Variants in TNKS observed in about 807,000 individuals in gnomAD.
The protein encoded by TNKS is poly [ADP-ribose] polymerase tankyrase-1.
TNKS carries 72 observed loss-of-function variants against 135.8 expected under a neutral mutation model. The observed-to-expected ratio is 0.53, with a 90% CI of 0.44 to 0.64. TNKS has a LOEUF of 0.64. Among genes scored for constraint, TNKS ranks in the 30% least tolerant of loss-of-function variants. The pLI, the probability that TNKS is intolerant of heterozygous loss-of-function variation, is 0.00. For synonymous variants in TNKS, 849 were observed against 649.3 expected (o/e 1.31, Z -4.68); for missense variants, 1,769 against 1,674.0 (o/e 1.06, Z -0.99).
chr8:9,692,658 G>A (rs930158409), intron 5 of TNKS, among the ~76,000 whole-genome samples: 1 of 152,176 alleles, frequency 6.6e-6, no homozygotes, highest in Non-Finnish European at 1.5e-5. Flanking sequence ...CATGTCATCT[G>A]CAGAAGAGAC....
intron 13 of TNKS, among the ~76,000 whole-genome samples, chr8:9,730,536 C>T (rs1052133928): frequency 1.3e-5 from 2 of 152,044 alleles, no homozygotes; most frequent in African/African-American, 4.8e-5. Flanking sequence ...AGCAGATACG[C>T]TATGACAAAC....
intron 2 of TNKS, among the ~76,000 whole-genome samples, chr8:9,596,733 T>G (rs1433644563): frequency 6.6e-6 from 1 of 152,226 alleles, no homozygotes; most frequent in Admixed American, 6.5e-5. Flanking sequence ...TTTCTAAATT[T>G]ACTGTGGTAC....
intron 1 of TNKS, among the ~76,000 whole-genome samples, chr8:9,576,241 T>C (rs964358899): frequency 1.3e-5 from 2 of 152,166 alleles, no homozygotes; most frequent in African/African-American, 4.8e-5. Context: ...AGTCTTTCTG[T>C]TGGCCAGTGT....
intron 2 of TNKS, among the ~76,000 whole-genome samples, chr8:9,600,253 T>C (rs1399568871): frequency 6.6e-6 from 1 of 152,178 alleles, no homozygotes; most frequent in East Asian, 1.9e-4. Flanking sequence ...AACTATGGCA[T>C]ATTGCCATGG....
In TNKS at chr8:9,665,951, C is replaced by G. The variant is rs138054049; in HGVS notation, c.995-14000C>G. On this transcript the variant is annotated intron_variant, in intron 3 of 26. Transcript: ENST00000310430. Reference sequence around the variant, plus strand: ...TCCTACCTCTCTTTTTACTACTCTTCTCTCTTCTTCCTCCCCTCCTCTTTT... The same window carrying G: ...TCCTACCTCTCTTTTTACTACTCTTGTCTCTTCTTCCTCCCCTCCTCTTTT... 2.1e-3 allele frequency among the ~76,000 whole-genome samples: 313 copies of G among 152,192 alleles called. 1 individual carries two copies. The highest frequency in any genetic ancestry group is 6.9e-3 in the African/African-American group (287 of 41,528).
chr8:9,581,898 C>G (rs1798181448), intron 2 of TNKS, among the ~76,000 whole-genome samples: 2 of 152,082 alleles, frequency 1.3e-5, no homozygotes, highest in African/African-American at 4.8e-5. Flanking sequence ...AAATAAAAGA[C>G]TAGATATGGG....
At position 9,567,763 on chromosome 8, in the gene TNKS, C is replaced by T. The variant is rs540044097; in HGVS notation, c.673+11151C>T. The stretch of plus-strand genomic sequence containing the variant: ...ACTATATAGAGTTGTTAGAAAATCT[C>T]GTAGATAAATTTTGCTGTATGTTTT... On this transcript the variant is annotated intron_variant, in intron 1 of 26. Transcript: ENST00000310430. Among the ~76,000 whole-genome samples, 18 of 152,182 alleles carry T rather than the reference C, an allele frequency of 1.2e-4. 2 individuals carry two copies. Among genetic ancestry groups the T allele is most frequent in the African/African-American group, 4.1e-4 (17 of 41,516 alleles).
intron 3 of TNKS, among the ~76,000 whole-genome samples, chr8:9,649,966 C>G (rs768290471): frequency 6.9e-6 from 1 of 143,886 alleles, no homozygotes; most frequent in African/African-American, 2.6e-5. Context: ...CTTGGCTCAC[C>G]GCTGCAGCCT....
intron 2 of TNKS, among the ~76,000 whole-genome samples, chr8:9,603,488 A>G (rs935652496): frequency 2.0e-5 from 3 of 152,250 alleles, no homozygotes. Context: ...CTGGGAAGTT[A>G]CTAACCATTT....
chr8:9,599,859 A>G (rs902296755), intron 2 of TNKS, among the ~76,000 whole-genome samples: 6 of 152,132 alleles, frequency 3.9e-5, no homozygotes, highest in African/African-American at 1.4e-4. Flanking sequence ...ATTGAATTGG[A>G]AGATTCTTTT....
Position 9,730,874 on chromosome 8 carries a change from G to A in TNKS, c.2002-16G>A. The A allele has an allele frequency of 6.2e-7, 1 of 1,608,658 alleles. No homozygotes were observed. Among genetic ancestry groups the A allele is most frequent in the Non-Finnish European group, 8.5e-7 (1 of 1,177,022 alleles). ...ATGTTCGTTTTGTGTTTGTCTTTGTGTGTGCACCACGAAAGCAACTTTGCA... is the reference window on the plus strand; with the variant it reads ...ATGTTCGTTTTGTGTTTGTCTTTGTATGTGCACCACGAAAGCAACTTTGCA... On this transcript the variant is annotated splice_polypyrimidine_tract_variant and intron_variant, in intron 13 of 26. Transcript: ENST00000310430.
chr8:9,761,365 C>G (rs984862887), intron 20 of TNKS, 151 bp from the exon 21 acceptor site: 9 of 768,342 alleles, frequency 1.2e-5, no homozygotes, highest in South Asian at 5.9e-5. Flanking sequence ...ATCAAGACAA[C>G]TTTAAAAAAA....
At chr8:9,671,789 A>C (rs528099102) in intron 3 of TNKS, among the ~76,000 whole-genome samples, 95 of 152,380 alleles carry the variant, frequency 6.2e-4, no homozygotes, top group Non-Finnish European at 1.2e-3. Context: ...ACAGTTTAAT[A>C]GTAGTCACCC....
In TNKS at chr8:9,766,244, C is replaced by G; in HGVS notation, c.3559C>G (p.Pro1187Ala). ...HNERMLFHGS[P>A]FINAIIHKGF... is the part of the protein sequence containing the mutation. ...TTCTGTCTTCGTATTTCTAGGTTCT[C>G]CTTTCATTAATGCCATTATTCATAA... is the stretch of plus-strand genomic sequence containing the variant. The change falls in exon 25 of 27, where the codon CCT (proline) becomes GCT (alanine). Residue 1187 changes from proline to alanine, a missense_variant. Pro to Ala is a conservative substitution (Grantham distance 27, BLOSUM62 -1). Around this residue, in one of 5 missense-constraint regions of TNKS, gnomAD observed 722 missense variants for 688.9 expected, o/e 1.05. Transcript: ENST00000310430. 3 of 1,600,006 alleles carry G rather than the reference C, an allele frequency of 1.9e-6. No individual in the cohort carries two copies. Among genetic ancestry groups the G allele is most frequent in the Non-Finnish European group, 2.6e-6 (3 of 1,171,672 alleles).
chr8:9,633,051 A>T (rs1800359063), intron 3 of TNKS, among the ~76,000 whole-genome samples: 1 of 152,094 alleles, frequency 6.6e-6, no homozygotes, highest in Non-Finnish European at 1.5e-5. Flanking sequence ...CTTTGCAGAG[A>T]TAGTTGAATA....
chr8:9,758,433 C>G (rs1365725039), intron 20 of TNKS, among the ~76,000 whole-genome samples: 1 of 152,008 alleles, frequency 6.6e-6, no homozygotes, highest in Admixed American at 6.6e-5. Flanking sequence ...ATATGCATTC[C>G]TTTTGTGTGA....
intron 5 of TNKS, among the ~76,000 whole-genome samples, chr8:9,693,551 G>C (rs1039022231): frequency 6.6e-6 from 1 of 152,130 alleles, no homozygotes. Context: ...TTAAAAAGGA[G>C]TTATTGGGGA....
At chr8:9,680,070 T>C in intron 4 of TNKS, 83 bp downstream of exon 4, 2 of 1,017,370 alleles carry the variant, frequency 2.0e-6, no homozygotes, top group East Asian at 2.4e-5. Flanking sequence ...ATAAAAAATA[T>C]AACGTTATTG....
intron 5 of TNKS, among the ~76,000 whole-genome samples, chr8:9,681,995 C>T (rs900139756): frequency 6.6e-6 from 1 of 152,120 alleles, no homozygotes; most frequent in Admixed American, 6.5e-5. Context: ...AAGCCATAAA[C>T]TAGCAAAGAT....
Sources: gnomAD v4.1 joint callset for allele counts (sites outside exome capture counted in the v4.1 genomes callset) on GRCh38, gnomAD v4.1.1 for gene constraint, gnomAD v4.1.1 regional missense constraint, MANE v1.5 for transcripts, NCBI Gene and HGNC (gene_info 2026-07-23, HGNC 2026-07-21) for gene names.